The following CNTNAP3B variants were observed in gnomAD, a reference collection of about 807,000 sequenced individuals.
CNTNAP3B encodes the protein contactin-associated protein-like 3B.
Under a neutral mutation model 108.9 loss-of-function variants are expected in CNTNAP3B, and 25 were observed. The ratio of observed to expected loss-of-function variants is 0.23; its 90% CI spans 0.17 to 0.32. The LOEUF (loss-of-function observed/expected upper bound fraction) is 0.32. Among genes scored for constraint, CNTNAP3B ranks in the 10% least tolerant of loss-of-function variants. The probability of loss-of-function intolerance (pLI) is 1.00; values close to 1 mark genes in which losing one functional copy is unlikely to be tolerated. For missense variants in CNTNAP3B, 252 were observed against 1,210.4 expected, an observed-to-expected ratio of 0.21 and a Z score of 11.75; for synonymous variants, 103 against 473.4, an observed-to-expected ratio of 0.22 and a Z score of 10.16.
At chr9:41,932,520 C>CTT (rs1304300088) in intron 14 of CNTNAP3B, among the ~76,000 whole-genome samples, 4 of 11,190 alleles carry the variant, frequency 3.6e-4, no homozygotes, top group Admixed American at 1.1e-3. Flanking sequence ...TTTTTTTCTT[C>CTT]TTTTTTTTTT....
At chr9:42,026,796 A>T (rs1000381472) in intron 3 of CNTNAP3B, among the ~76,000 whole-genome samples, 1 of 136,870 alleles carries the variant, frequency 7.3e-6, no homozygotes, top group Non-Finnish European at 1.6e-5. Flanking sequence ...CATTTTGCTC[A>T]ATAATAACTC....
chr9:41,956,282 A>T (rs1158035575), intron 12 of CNTNAP3B, among the ~76,000 whole-genome samples: 1 of 151,574 alleles, frequency 6.6e-6, no homozygotes, highest in Non-Finnish European at 1.5e-5. Flanking sequence ...GCTACCGGGG[A>T]GGCCGAGGCA....
At chr9:42,019,736 T>G (rs1826275012) in intron 3 of CNTNAP3B, among the ~76,000 whole-genome samples, 1 of 145,538 alleles carries the variant, frequency 6.9e-6, no homozygotes, top group Admixed American at 6.9e-5. Flanking sequence ...ACTCCAGCCT[T>G]GGTGACAGAG....
At position 42,125,838 on chromosome 9, in the gene CNTNAP3B, G is replaced by A. The variant is rs1249670841; in HGVS notation, c.85+3172C>T. On this transcript the variant is annotated intron_variant, in intron 1 of 23. Transcript: ENST00000377561. ...TCACCGTGTTGTCCAGGCTGGTTTC[G>A]AACTCCCGACCTCAAGTGATCCACC... 7.0e-5 allele frequency among the ~76,000 whole-genome samples: 9 copies of A among 128,152 alleles called. 2 individuals carry two copies. The highest frequency in any genetic ancestry group is 5.3e-4 in the South Asian group (2 of 3,750). The allele number at this position is 128,152 out of a possible 152,430, so 84.1% of individuals were successfully genotyped here. A position where few individuals can be genotyped will look rare whatever the true frequency, so the allele number is the denominator to read the frequency against.
intron 14 of CNTNAP3B, among the ~76,000 whole-genome samples, chr9:41,935,531 T>C (rs1824131301): frequency 1.3e-5 from 2 of 152,292 alleles, no homozygotes; most frequent in Non-Finnish European, 2.9e-5. Context: ...ATCTTTTCAT[T>C]TCATGAGACT....
At chr9:41,958,302 T>C (rs1313799568) in intron 12 of CNTNAP3B, among the ~76,000 whole-genome samples, 1 of 151,638 alleles carries the variant, frequency 6.6e-6, no homozygotes, top group Non-Finnish European at 1.5e-5. Flanking sequence ...CAATGCTGTT[T>C]TGTTGTTGTT....
intron 11 of CNTNAP3B, among the ~76,000 whole-genome samples, chr9:41,961,417 T>A (rs1825087729): frequency 6.6e-6 from 1 of 152,308 alleles, no homozygotes; most frequent in South Asian, 2.1e-4. Flanking sequence ...TATTGAAGCA[T>A]GGTTCTTTTC....
chr9:41,942,183 A>G (rs1454117370), intron 13 of CNTNAP3B, among the ~76,000 whole-genome samples: 3 of 152,282 alleles, frequency 2.0e-5, no homozygotes, highest in African/African-American at 4.8e-5. Context: ...CTAAGAGTAC[A>G]GGATGCTTCT....
intron 12 of CNTNAP3B, among the ~76,000 whole-genome samples, chr9:41,955,311 T>G (rs2118163920): frequency 6.6e-6 from 1 of 151,340 alleles, no homozygotes; most frequent in African/African-American, 2.4e-5. Context: ...CTTGTTTTTC[T>G]GAAGAGTAGA....
At chr9:42,013,001 C>T (rs1268329766) in intron 4 of CNTNAP3B, among the ~76,000 whole-genome samples, 3 of 93,744 alleles carry the variant, frequency 3.2e-5, no homozygotes, top group Non-Finnish European at 6.6e-5. Context: ...GCCCCCAGTA[C>T]AGCTCCTGTT....
At chr9:41,949,913 A>T (rs1477896733) in intron 13 of CNTNAP3B, among the ~76,000 whole-genome samples, 2 of 152,210 alleles carry the variant, frequency 1.3e-5, no homozygotes, top group Non-Finnish European at 2.9e-5. Context: ...TGCTCTAAAA[A>T]ATTCCAGTTA....
chr9:42,124,119 T>G (rs1385325144), intron 1 of CNTNAP3B, among the ~76,000 whole-genome samples: 2 of 139,110 alleles, frequency 1.4e-5, no homozygotes, highest in Non-Finnish European at 3.1e-5. Context: ...GCATGCTACT[T>G]AAATCACAAT....
chr9:42,095,266 T>C (rs1201284000), intron 2 of CNTNAP3B, among the ~76,000 whole-genome samples: 1 of 137,434 alleles, frequency 7.3e-6, no homozygotes. Context: ...TGAGACTATA[T>C]GGTATTTGTC....
At chr9:41,926,206 T>A (rs1399381726) in intron 15 of CNTNAP3B, among the ~76,000 whole-genome samples, 2 of 152,276 alleles carry the variant, frequency 1.3e-5, no homozygotes, top group African/African-American at 4.8e-5. Context: ...GTGAGGTCAC[T>A]CCTATGCTCC....
intron 3 of CNTNAP3B, among the ~76,000 whole-genome samples, chr9:42,056,337 T>TATTATC (rs2118556585): frequency 7.3e-6 from 1 of 137,746 alleles, no homozygotes; most frequent in South Asian, 2.4e-4. Context: ...TTATTATTAT[T>TATTATC]ATTATTATTA....
At position 42,129,116 on chromosome 9, in the gene CNTNAP3B, T is replaced by G. The variant is rs1328368760; in HGVS notation, c.-22A>C. The G allele has an allele frequency of 6.4e-7, 1 of 1,566,878 alleles. No homozygotes were observed. The highest frequency in any genetic ancestry group is 8.6e-7 in the Non-Finnish European group (1 of 1,157,844). On this transcript the variant is annotated 5_prime_UTR_variant, in exon 1 of 24. Coordinates refer to ENST00000377561, the MANE Select transcript of CNTNAP3B (RefSeq NM_001201380.3). ...CCATGCTCACTTCAGCCAGGCGCCCTGAGACCCGGGCACGGCGACGGCCGC... is the reference window on the plus strand; with the variant it reads ...CCATGCTCACTTCAGCCAGGCGCCCGGAGACCCGGGCACGGCGACGGCCGC...
rs769674611 is a variant in CNTNAP3B at position 41,953,378 on chromosome 9, C to A, written c.1885G>T (p.Ala629Ser). 3.2e-6 allele frequency: 5 copies of A among 1,548,010 alleles called. No homozygotes were observed. In the South Asian group the frequency reaches 4.7e-5, roughly 15 times the overall value. The part of the protein sequence containing the change: ...LVYCNMTADS[A>S]WTVVRHGGPD... ...CCACCGTGCCGCACCACCGTCCACG[C>A]GGAGTCTGCTGAGCAGAAACGGGCA... Residue 629 changes from alanine (A) to serine (S), a missense_variant, in exon 13 of 24, where the codon GCG (alanine) becomes TCG (serine). By Grantham distance (99) the Ala-to-Ser change is moderately conservative. Transcript: ENST00000377561.
At chr9:42,030,790 T>A (rs1328203415) in intron 3 of CNTNAP3B, among the ~76,000 whole-genome samples, 60 of 34,192 alleles carry the variant, frequency 1.8e-3, no homozygotes, top group South Asian at 3.3e-3. Flanking sequence ...GAGAGATGTG[T>A]GCGAGAGAGA....
chr9:41,954,989 T>C (rs542789605), intron 12 of CNTNAP3B, among the ~76,000 whole-genome samples: 24 of 151,558 alleles, frequency 1.6e-4, no homozygotes, highest in African/African-American at 5.6e-4. Flanking sequence ...CCTGGCCTCA[T>C]TTTAGAATTT....
Sources: gnomAD v4.1 joint callset for allele counts (sites outside exome capture counted in the v4.1 genomes callset) on GRCh38, gnomAD v4.1.1 for gene constraint, MANE v1.5 for transcripts, NCBI Gene and HGNC (gene_info 2026-07-23, HGNC 2026-07-21) for gene names.